Variants in NRP2 observed in about 807,000 individuals in gnomAD.
NRP2 encodes neuropilin-2.
NRP2 carries 52 observed loss-of-function variants against 110.4 expected under a neutral mutation model. That is an observed-to-expected ratio of 0.47 (90% CI 0.38 to 0.59). The LOEUF (loss-of-function observed/expected upper bound fraction) is 0.59. Ranked by LOEUF, NRP2 falls within the 20% of genes least tolerant of loss-of-function variation. The pLI, the probability that NRP2 is intolerant of heterozygous loss-of-function variation, is 0.00. For synonymous variants in NRP2, 508 were observed against 468.9 expected (o/e 1.08, Z -1.08); for missense variants, 1,049 against 1,203.0 (o/e 0.87, Z 1.89).
chr2:205,757,870 T>A (rs1575638753), intron 12 of NRP2, among the ~76,000 whole-genome samples: 1 of 147,824 alleles, frequency 6.8e-6, no homozygotes, highest in African/African-American at 2.5e-5. Flanking sequence ...CAGAAAAAAA[T>A]AACAGCAGGA....
chr2:205,763,790 C>T lies in NRP2; in HGVS notation c.2161C>T (p.Gln721Ter). ...CCCGGTGTGCATGGAGTTCCAGTAC[C>T]AGGCCACGGGCGGCCGCGGGGTGGC... ...RSPVCMEFQY[Q>*]ATGGRGVALQ... The change falls in exon 13 of 17, where the codon CAG becomes TAG. Residue 721 changes from glutamine to a stop codon, truncating the protein, a stop_gained. Transcript: ENST00000357785. LOFTEE classifies it high-confidence loss of function. The surrounding 1 kb of genome is among the most constrained non-coding windows in gnomAD (Gnocchi z 4.0). 1 of 1,614,202 alleles carries T rather than the reference C, an allele frequency of 6.2e-7. No individual in the cohort carries two copies. Among genetic ancestry groups the T allele is most frequent in the South Asian group, 1.1e-5 (1 of 91,084 alleles).
intron 12 of NRP2, chr2:205,762,016 G>A (rs1320674026): frequency 1.3e-5 from 2 of 152,204 alleles, no homozygotes; most frequent in African/African-American, 4.8e-5. Context: ...AGGTTTAGAA[G>A]ATCTTTGAGG....
chr2:205,733,304 A>G (rs2057277326), intron 7 of NRP2, among the ~76,000 whole-genome samples: 1 of 152,168 alleles, frequency 6.6e-6, no homozygotes, highest in African/African-American at 2.4e-5. Context: ...TGGCGCTGAT[A>G]GCCTTGATGT....
chr2:205,732,552 C>T (rs952049878), intron 7 of NRP2, among the ~76,000 whole-genome samples: 45 of 152,312 alleles, frequency 3.0e-4, no homozygotes, highest in African/African-American at 1.1e-3. Context: ...AATGGCGCTG[C>T]GGCTGCTATC....
chr2:205,795,908 T>A lies in NRP2; in HGVS notation c.*850T>A, dbSNP rs949652604. On this transcript the variant is annotated 3_prime_UTR_variant, in exon 17 of 17. Transcript: ENST00000357785. The stretch of plus-strand genomic sequence containing the variant: ...GGGGCTTCCCTTGTGGGGCTTCTGG[T>A]GGTGGTTTTGCCTTTTCTTTTCCCT... 1 of 152,490 alleles carries A rather than the reference T, an allele frequency of 6.6e-6. No homozygotes were observed. Among genetic ancestry groups the A allele is most frequent in the Non-Finnish European group, 1.5e-5 (1 of 68,102 alleles). 9.4% of individuals were successfully genotyped at this position (152,490 alleles called of 1,614,324 possible).
chr2:205,761,737 T>C (rs1483935297), intron 12 of NRP2, among the ~76,000 whole-genome samples: 1 of 152,226 alleles, frequency 6.6e-6, no homozygotes, highest in Non-Finnish European at 1.5e-5. Flanking sequence ...AAAGAACTTA[T>C]TGCATGAAGG....
intron 1 of NRP2, among the ~76,000 whole-genome samples, chr2:205,684,571 C>A (rs1014998217): frequency 6.6e-6 from 1 of 152,154 alleles, no homozygotes; most frequent in Non-Finnish European, 1.5e-5. Flanking sequence ...CGCCCCCCAC[C>A]AGCACACACA....
Position 205,765,548 on chromosome 2 carries a change from TG to T in NRP2, c.2383del (p.Val795SerfsTer73). 6.2e-7 allele frequency: 1 copy of T among 1,613,994 alleles called. No individual in the cohort carries two copies. Among genetic ancestry groups the T allele is most frequent in the Non-Finnish European group, 8.5e-7 (1 of 1,179,848 alleles). On this transcript the variant is annotated frameshift_variant, in exon 14 of 17. Transcript: ENST00000357785. LOFTEE classifies it high-confidence loss of function. ...TTGATGACATTCGGATAAGCACTGA[TG>T]TCCCACTGGAGAACTGCATGGGTAT... ...AIDDIRISTD[V>X]PLENCMEPIS...
intron 2 of NRP2, among the ~76,000 whole-genome samples, chr2:205,713,524 C>T (rs1019533460): frequency 1.3e-5 from 2 of 152,104 alleles, no homozygotes; most frequent in Admixed American, 6.5e-5. Context: ...CCATGTCTGT[C>T]GCCATTGTTC....
intron 12 of NRP2, among the ~76,000 whole-genome samples, chr2:205,759,118 C>T (rs1430830195): frequency 6.6e-6 from 1 of 152,136 alleles, no homozygotes; most frequent in African/African-American, 2.4e-5. Flanking sequence ...TTTATAATAG[C>T]TTGGAAGAAG....
intron 5 of NRP2, among the ~76,000 whole-genome samples, chr2:205,724,887 G>A (rs1369509206): frequency 1.3e-5 from 2 of 151,966 alleles, no homozygotes; most frequent in African/African-American, 2.4e-5. Context: ...GACTGGTCTC[G>A]AACTCCTGCC....
In NRP2 at chr2:205,763,021, C is replaced by T. The variant is rs547283624; in HGVS notation, c.2045-653C>T. Among the ~76,000 whole-genome samples the T allele has an allele frequency of 1.5e-3, 221 of 152,340 alleles. 1 individual carries two copies. The highest frequency in any genetic ancestry group is 3.4e-3 in the Middle Eastern group (1 of 294). ...CTGGCTGTCTCAGAAAGGCCAAGTT[C>T]AAGCCTCCCTGAATCATCCCTTTCA... On this transcript the variant is annotated intron_variant, in intron 12 of 16. Coordinates refer to ENST00000357785, the MANE Select transcript of NRP2 (RefSeq NM_003872.3). The surrounding 1 kb of genome is among the most constrained non-coding windows in gnomAD (Gnocchi z 4.0).
intron 7 of NRP2, among the ~76,000 whole-genome samples, chr2:205,736,604 C>T (rs187392238): frequency 1.0e-3 from 157 of 152,302 alleles, no homozygotes; most frequent in African/African-American, 3.6e-3. Context: ...TACACGCTAA[C>T]ATTTGTCCTG....
intron 15 of NRP2, among the ~76,000 whole-genome samples, chr2:205,783,056 G>C (rs574741747): frequency 6.6e-6 from 1 of 152,148 alleles, no homozygotes; most frequent in South Asian, 2.1e-4. Context: ...ACTAGTGGAC[G>C]TCCTGGCTGT....
Position 205,743,209 on chromosome 2 carries a change from C to A in NRP2, c.1298C>A (p.Pro433His). The A allele has an allele frequency of 6.2e-7, 1 of 1,612,194 alleles. No homozygotes were observed. The highest frequency in any genetic ancestry group is 8.5e-7 in the Non-Finnish European group (1 of 1,180,014). Residue 433 changes from proline to histidine, a missense_variant, in exon 9 of 17, where the codon CCC becomes CAC. By Grantham distance (77) the Pro-to-His change is moderately conservative (BLOSUM62 -2). Transcript: ENST00000357785. ...ELFGCRVTDA[P>H]CSNMLGMLSG... Reference sequence around the variant, plus strand: ...CTTCCTCTCCTCTCTGCAGATGCTCCCTGCTCCAACATGCTGGGGATGCTC... The same window carrying A: ...CTTCCTCTCCTCTCTGCAGATGCTCACTGCTCCAACATGCTGGGGATGCTC...
intron 11 of NRP2, among the ~76,000 whole-genome samples, chr2:205,751,863 A>T (rs778810341): frequency 2.6e-5 from 4 of 152,008 alleles, no homozygotes; most frequent in Non-Finnish European, 5.9e-5. Context: ...ACATTTTTCC[A>T]CTGTCTCCGC....
chr2:205,727,223 A>G (rs1334852691), intron 6 of NRP2, among the ~76,000 whole-genome samples: 3 of 152,256 alleles, frequency 2.0e-5, no homozygotes, highest in African/African-American at 7.2e-5. Flanking sequence ...GACTGCCATT[A>G]AGAAACACCA....
rs56303275 is a variant in NRP2 at position 205,784,001 on chromosome 2, G to GACACACAC, written c.2426-8220_2426-8213dup. 1.9e-3 allele frequency among the ~76,000 whole-genome samples: 278 copies of GACACACAC among 148,762 alleles called. 3 individuals are homozygous for GACACACAC. The highest frequency in any genetic ancestry group is 6.2e-3 in the African/African-American group (251 of 40,636). Reference sequence around the variant, plus strand: ...GATGAACTAGAGTGCATCTCTCTCTGACACACACACACACACACACAGTGC... The same window carrying GACACACAC: ...GATGAACTAGAGTGCATCTCTCTCTGACACACACACACACACACACACACACACAGTGC... On this transcript the variant is annotated intron_variant, in intron 15 of 16. Coordinates refer to ENST00000357785, the MANE Select transcript of NRP2 (RefSeq NM_003872.3).
intron 1 of NRP2, 102 bp downstream of exon 1, chr2:205,683,465 C>T: frequency 1.2e-6 from 1 of 802,860 alleles, no homozygotes; most frequent in Non-Finnish European, 2.2e-6. Context: ...AAGAAGGCTC[C>T]CTCAGTACTC....
Sources: gnomAD v4.1 joint callset for allele counts (sites outside exome capture counted in the v4.1 genomes callset) on GRCh38, gnomAD v4.1.1 for gene constraint, Gnocchi (gnomAD v3.1) non-coding constraint, MANE v1.5 for transcripts, NCBI Gene and HGNC (gene_info 2026-07-23, HGNC 2026-07-21) for gene names.